NUFIP1: variants seen among roughly 807,000 people sequenced by gnomAD.
The protein encoded by NUFIP1 is FMR1-interacting protein NUFIP1.
In NUFIP1, 38 loss-of-function variants were observed where a neutral mutation model predicts 56.2. The ratio of observed to expected loss-of-function variants is 0.68; its 90% confidence interval spans 0.52 to 0.89. The LOEUF is 0.89. Ranked by LOEUF, NUFIP1 falls within the 40% of genes least tolerant of loss-of-function variation. NUFIP1 has a pLI of 0.00. For synonymous variants in NUFIP1, 215 were observed against 212.4 expected (o/e 1.01, Z -0.10); for missense variants, 567 against 605.8 (o/e 0.94, Z 0.67).
intron 1 of NUFIP1, among the ~76,000 whole-genome samples, chr13:44,984,657 TAAAATA>T (rs373879447): frequency 0.018 from 2,721 of 152,100 alleles, 32 homozygotes; most frequent in Middle Eastern, 0.027. Context: ...ATAAATAAAA[TAAAATA>T]AAAATAAAAC....
chr13:44,955,593 T>C (rs1412533609), intron 7 of NUFIP1, among the ~76,000 whole-genome samples: 1 of 152,214 alleles, frequency 6.6e-6, no homozygotes, highest in Non-Finnish European at 1.5e-5. Flanking sequence ...TGGGTCTTGT[T>C]ATCACAGTGC....
intron 5 of NUFIP1, among the ~76,000 whole-genome samples, chr13:44,966,440 A>T (rs926032046): frequency 6.6e-6 from 1 of 151,656 alleles, no homozygotes; most frequent in Non-Finnish European, 1.5e-5. Context: ...TCAGCCTCCC[A>T]AGTAGCTGGG....
At chr13:44,972,325 T>C (rs967844376) in intron 5 of NUFIP1, among the ~76,000 whole-genome samples, 1 of 152,026 alleles carries the variant, frequency 6.6e-6, no homozygotes, top group Non-Finnish European at 1.5e-5. Context: ...TACTCGGCAA[T>C]AAAAAACAAA....
chr13:44,982,092 T>C lies in NUFIP1; in HGVS notation c.475A>G (p.Ser159Gly), dbSNP rs375674309. 4.0e-6 allele frequency: 6 copies of C among 1,512,106 alleles called. No homozygotes were observed. The highest frequency in any genetic ancestry group is 2.4e-5 in the East Asian group (1 of 41,594). 93.7% of individuals were successfully genotyped at this position (1,512,106 alleles called of 1,614,324 possible). Residue 159 changes from serine (S) to glycine (G), a missense_variant, in exon 2 of 10, where the codon AGT (serine) becomes GGT (glycine). Coordinates refer to ENST00000379161, the MANE Select transcript of NUFIP1 (RefSeq NM_012345.3). ...AKFTDFSLPP[S>G]RKQKKKKRKE... Reference sequence around the variant, plus strand: ...AATACCTTTTTTTTCTGTTTTCTACTGGGAGGTAAGCTGAAGTCTGTGAAT... The same window carrying C: ...AATACCTTTTTTTTCTGTTTTCTACCGGGAGGTAAGCTGAAGTCTGTGAAT...
intron 5 of NUFIP1, among the ~76,000 whole-genome samples, chr13:44,969,640 C>T (rs1346418019): frequency 6.6e-6 from 1 of 151,970 alleles, no homozygotes; most frequent in African/African-American, 2.4e-5. Flanking sequence ...CTTTTCCTTC[C>T]TCTCTTCTTT....
intron 4 of NUFIP1, among the ~76,000 whole-genome samples, chr13:44,979,591 C>T (rs571899387): frequency 1.3e-5 from 2 of 152,200 alleles, no homozygotes; most frequent in East Asian, 1.9e-4. Flanking sequence ...TATGAGTAGA[C>T]GTGACAATCT....
intron 5 of NUFIP1, among the ~76,000 whole-genome samples, chr13:44,978,044 C>CA (rs895138377): frequency 9.3e-5 from 14 of 151,218 alleles, no homozygotes; most frequent in African/African-American, 2.9e-4. Context: ...GACTCTGACT[C>CA]AAAAAAAAAT....
At chr13:44,988,307 C>G (rs1358606564) in intron 1 of NUFIP1, among the ~76,000 whole-genome samples, 2 of 152,140 alleles carry the variant, frequency 1.3e-5, no homozygotes, top group Admixed American at 1.3e-4. Flanking sequence ...GTAGTCCCAG[C>G]TACTCAGGAG....
chr13:44,958,701 A>G (rs1407374585), intron 7 of NUFIP1, among the ~76,000 whole-genome samples: 1 of 152,224 alleles, frequency 6.6e-6, no homozygotes, highest in East Asian at 1.9e-4. Context: ...AGCATATGCA[A>G]TTAGATAAAG....
chr13:44,973,190 G>A (rs1261423204), intron 5 of NUFIP1, among the ~76,000 whole-genome samples: 1 of 152,094 alleles, frequency 6.6e-6, no homozygotes, highest in Admixed American at 6.6e-5. Flanking sequence ...GTTCACATTC[G>A]TGTAGGGAAA....
Position 44,941,335 on chromosome 13 carries a change from T to C in NUFIP1, c.1372-13A>G. The stretch of plus-strand genomic sequence containing the variant: ...CCGGAGCTAGAAGCTAAAACACAAT[T>C]TAAAAAAAGATGAGGTAGTAAATAA... On this transcript the variant is annotated splice_polypyrimidine_tract_variant and intron_variant, in intron 9 of 9. Coordinates refer to ENST00000379161, the MANE Select transcript of NUFIP1 (RefSeq NM_012345.3). The C allele has an allele frequency of 6.6e-7, 1 of 1,513,234 alleles. No individual in the cohort carries two copies. The highest frequency in any genetic ancestry group is 9.1e-7 in the Non-Finnish European group (1 of 1,100,546). The allele number at this position is 1,513,234 out of a possible 1,614,324, so 93.7% of individuals were successfully genotyped here.
intron 6 of NUFIP1, among the ~76,000 whole-genome samples, chr13:44,963,403 C>T (rs1206669510): frequency 1.3e-5 from 2 of 152,114 alleles, no homozygotes; most frequent in African/African-American, 2.4e-5. Context: ...GGCAACCTTG[C>T]TAAATTCATT....
rs748429578 is a variant in NUFIP1, at chr13:44,989,351, T to C, written c.86A>G (p.Asp29Gly). The C allele has an allele frequency of 1.2e-6, 2 of 1,613,106 alleles. No individual in the cohort carries two copies. The highest frequency in any genetic ancestry group is 1.7e-6 in the Non-Finnish European group (2 of 1,179,770). The change falls in exon 1 of 10, where the codon GAC (aspartate) becomes GGC (glycine). Residue 29 changes from aspartate (D) to glycine (G), a missense_variant. Asp to Gly is a moderately conservative substitution (Grantham distance 94). Transcript: ENST00000379161. ...CCAGCTGTCCCGCGGCGGGGCAGTG[T>C]CGCTCAGGGGCCCTAACGTGGGAGT... ...ELTPTLGPLS[D>G]TAPPRDSWMF...
chr13:44,949,262 C>T (rs548493050), intron 8 of NUFIP1, among the ~76,000 whole-genome samples: 34 of 121,892 alleles, frequency 2.8e-4, no homozygotes, highest in African/African-American at 8.7e-4. Flanking sequence ...AGTGCAGTGG[C>T]GGGATCTCGG....
At position 44,978,218 on chromosome 13, in the gene NUFIP1, C is replaced by T. The variant is rs1593369331; in HGVS notation, c.734+972G>A. Among the ~76,000 whole-genome samples, 4 of 152,310 alleles carry T rather than the reference C, an allele frequency of 2.6e-5. 1 individual carries two copies. The Middle Eastern group carries it at 0.014, about 518-fold the overall frequency. ...CCTCTAAAGCCTTAAAGGGCAGCATCTAACTTTTTCACAGAAGAGTACATC... is the reference window on the plus strand; with the variant it reads ...CCTCTAAAGCCTTAAAGGGCAGCATTTAACTTTTTCACAGAAGAGTACATC... On this transcript the variant is annotated intron_variant, in intron 5 of 9. Coordinates refer to ENST00000379161, the MANE Select transcript of NUFIP1 (RefSeq NM_012345.3).
rs1242886796 is a variant in NUFIP1 at position 44,959,483 on chromosome 13, T to C, written c.919A>G (p.Arg307Gly). ...TGACTGCCTGATCCAGTGACTGCTC[T>C]CTGTCTAGAATTGTCGTTTTTCCAT... ...HKWKNDNSRQ[R>G]AVTGSGSHLC... Residue 307 changes from arginine (R) to glycine (G), a missense_variant, in exon 7 of 10, where the codon AGA (arginine) becomes GGA (glycine). Transcript: ENST00000379161. 1 of 1,614,200 alleles carries C rather than the reference T, an allele frequency of 6.2e-7. No individual in the cohort carries two copies. The highest frequency in any genetic ancestry group is 2.2e-5 in the East Asian group (1 of 44,888).
chr13:44,979,293 C>T (rs746993580), intron 4 of NUFIP1, 27 bp from the exon 5 acceptor site: 2 of 1,588,050 alleles, frequency 1.3e-6, no homozygotes, highest in African/African-American at 2.7e-5. Flanking sequence ...TGCTGAACAT[C>T]AGGAGGCAAT....
chr13:44,949,086 T>G (rs1207307145), intron 8 of NUFIP1, among the ~76,000 whole-genome samples: 1 of 152,196 alleles, frequency 6.6e-6, no homozygotes, highest in Non-Finnish European at 1.5e-5. Context: ...ATAACAAGGG[T>G]TCTTCAGAGC....
intron 8 of NUFIP1, among the ~76,000 whole-genome samples, chr13:44,945,331 T>C (rs1870871367): frequency 6.6e-6 from 1 of 152,078 alleles, no homozygotes; most frequent in African/African-American, 2.4e-5. Flanking sequence ...ATATGAATAG[T>C]CCTGGACCTA....
Sources: gnomAD v4.1 joint callset for allele counts (sites outside exome capture counted in the v4.1 genomes callset) on GRCh38, gnomAD v4.1.1 for gene constraint, MANE v1.5 for transcripts, NCBI Gene and HGNC (gene_info 2026-07-23, HGNC 2026-07-21) for gene names.